Variants in CNKSR1 observed in about 807,000 individuals in gnomAD.
The protein encoded by CNKSR1 is connector enhancer of kinase suppressor of Ras 1.
A neutral mutation model predicts 95.6 loss-of-function variants in CNKSR1; 88 were observed. The ratio of observed to expected loss-of-function variants is 0.92; its 90% confidence interval spans 0.78 to 1.10. The LOEUF (loss-of-function observed/expected upper bound fraction) is 1.10, where lower values mean the gene tolerates loss of function less well. CNKSR1 is among the 50% of genes least tolerant of loss of function. The pLI, the probability that CNKSR1 is intolerant of heterozygous loss-of-function variation, is 0.00. For missense variants in CNKSR1, 836 were observed against 912.0 expected, an observed-to-expected ratio of 0.92 and a Z score of 1.07; for synonymous variants, 355 against 369.7, an observed-to-expected ratio of 0.96 and a Z score of 0.46.
At chr1:26,183,296 G>A (rs1569878173) in intron 7 of CNKSR1, 40 bp downstream of exon 7, 1 of 1,614,098 alleles carries the variant, frequency 6.2e-7, no homozygotes, top group Non-Finnish European at 8.5e-7. Context: ...CATCCCCGAG[G>A]CCTCTCACCT....
Position 26,185,155 on chromosome 1 carries a change from G to A in CNKSR1, c.1277G>A (p.Gly426Glu), listed in dbSNP as rs1265250665. The A allele has an allele frequency of 7.0e-6, 11 of 1,566,090 alleles. No individual in the cohort carries two copies. The highest frequency in any genetic ancestry group is 1.4e-5 in the African/African-American group (1 of 73,988). Reference protein sequence around the residue: ...RWRRRWFVLKGHTLYWYRQPQ... With the variant: ...RWRRRWFVLKEHTLYWYRQPQ... ...CGCCGCCGCTGGTTTGTGCTCAAGG[G>A]ACACACGCTCTACTGGTACCGCCAG... The change falls in exon 14 of 21, where the codon GGA becomes GAA. Residue 426 changes from glycine (G) to glutamate (E), a missense_variant. Coordinates refer to ENST00000361530, the MANE Select transcript of CNKSR1 (RefSeq NM_006314.3).
chr1:26,185,743 C>T (rs1219090118), intron 14 of CNKSR1, among the ~76,000 whole-genome samples: 1 of 151,948 alleles, frequency 6.6e-6, no homozygotes, highest in Non-Finnish European at 1.5e-5. Flanking sequence ...GTTGCCCAGC[C>T]TTGTCTCAAA....
At position 26,183,238 on chromosome 1, in the gene CNKSR1, G is replaced by T. The variant is rs763801485; in HGVS notation, c.666G>T (p.Val222=). ...CCACCAGCAATTGCCAGCACTTTGT[G>T]TCCCAAGTGGACACCCAGGTGAGAG... is the stretch of plus-strand genomic sequence containing the variant. The part of the protein sequence containing the change: ...IHTTSNCQHF[V]SQVDTQVPTD... Residue 222 remains valine (V), a synonymous_variant, in exon 7 of 21, where the codon GTG becomes GTT. Transcript: ENST00000361530. 2.5e-6 allele frequency: 4 copies of T among 1,613,994 alleles called. No homozygotes were observed. In the South Asian group the frequency reaches 4.4e-5, roughly 18 times the overall value.
chr1:26,181,752 G>A (rs1391815984), intron 3 of CNKSR1, 105 bp from the exon 4 acceptor site: 4 of 1,075,416 alleles, frequency 3.7e-6, no homozygotes, highest in Non-Finnish European at 5.7e-6. Context: ...AAACCCATCA[G>A]AGCAGGTATT....
intron 3 of CNKSR1, 94 bp downstream of exon 3, chr1:26,180,990 A>G (rs747841074): frequency 6.6e-7 from 1 of 1,510,564 alleles, no homozygotes; most frequent in East Asian, 2.3e-5. Context: ...TCTTGTTCAG[A>G]TATGGTGAGC....
chr1:26,177,882 G>A (rs984213299), intron 1 of CNKSR1, among the ~76,000 whole-genome samples: 1 of 152,038 alleles, frequency 6.6e-6, no homozygotes, highest in African/African-American at 2.4e-5. Context: ...CAGGAGAATC[G>A]CTTGAACCCA....
intron 9 of CNKSR1, 93 bp downstream of exon 9, chr1:26,183,923 C>CCCT: frequency 1.9e-6 from 1 of 523,666 alleles, no homozygotes; most frequent in Non-Finnish European, 3.5e-6. Flanking sequence ...TCAGACCCCC[C>CCCT]CCAACAGGCA....
At chr1:26,188,183 A>T (rs759045187) in intron 16 of CNKSR1, 51 bp from the exon 17 acceptor site, 1 of 1,511,454 alleles carries the variant, frequency 6.6e-7, no homozygotes, top group South Asian at 1.1e-5. Flanking sequence ...CCCAGCATAC[A>T]AGAGGGCCCC....
At chr1:26,179,101 T>G (rs1051172652) in intron 1 of CNKSR1, among the ~76,000 whole-genome samples, 1 of 152,262 alleles carries the variant, frequency 6.6e-6, no homozygotes, top group African/African-American at 2.4e-5. Context: ...TGTAAAGCTC[T>G]TATAGATTTG....
intron 16 of CNKSR1, 99 bp from the exon 17 acceptor site, chr1:26,188,135 C>A: frequency 1.0e-6 from 1 of 1,001,348 alleles, no homozygotes; most frequent in Non-Finnish European, 1.6e-6. Context: ...CTCAGAGTTG[C>A]TCTGAGGATC....
intron 18 of CNKSR1, 44 bp from the exon 19 acceptor site, chr1:26,188,554 G>A: frequency 6.2e-7 from 1 of 1,611,418 alleles, no homozygotes; most frequent in Non-Finnish European, 8.5e-7. Flanking sequence ...AACAGGGCGT[G>A]GAGCTCAGAC....
intron 9 of CNKSR1, 55 bp downstream of exon 9, chr1:26,183,885 C>T: frequency 2.0e-6 from 1 of 490,422 alleles, no homozygotes; most frequent in Non-Finnish European, 3.7e-6. Context: ...TCCACAGGTA[C>T]CTGCCCCCAC....
At chr1:26,187,985 ACTTGGCCT>A (rs1355715872) in intron 16 of CNKSR1, among the ~76,000 whole-genome samples, 3 of 151,220 alleles carry the variant, frequency 2.0e-5, no homozygotes, top group Non-Finnish European at 4.4e-5. Context: ...GGTCTCAAAC[ACTTGGCCT>A]CAAGCAATCC....
chr1:26,182,047 C>G, intron 4 of CNKSR1, 106 bp downstream of exon 4: 1 of 1,135,260 alleles, frequency 8.8e-7, no homozygotes, highest in South Asian at 1.2e-5. Flanking sequence ...AGGATTGAGA[C>G]GGGCGAGAAA....
At position 26,180,721 on chromosome 1, in the gene CNKSR1, AG is replaced by A. The variant is rs1230136145; in HGVS notation, c.219del (p.Arg73SerfsTer10). The part of the protein sequence containing the change: ...GVEQLQALSS[R>X]LQTENLQSLT... ...TGCCCTCTTTCTGGCACAGAGCTCC[AG>A]GCTACAGACAGAGAACCTGCAAAGC... On this transcript the variant is annotated frameshift_variant, in exon 3 of 21. Coordinates refer to ENST00000361530, the MANE Select transcript of CNKSR1 (RefSeq NM_006314.3). LOFTEE classifies it high-confidence loss of function. 2 of 1,614,032 alleles carry A rather than the reference AG, an allele frequency of 1.2e-6. No individual in the cohort carries two copies. The highest frequency in any genetic ancestry group is 2.7e-5 in the African/African-American group (2 of 74,944).
rs1322406504 is a variant in CNKSR1 at position 26,188,504 on chromosome 1, G to A, written c.1590+1G>A. 2 of 1,602,988 alleles carry A rather than the reference G, an allele frequency of 1.2e-6. No homozygotes were observed. The highest frequency in any genetic ancestry group is 1.7e-6 in the Non-Finnish European group (2 of 1,175,068). ...TGAGGCTGGGTCCCACTCAGCCTCGGTGAGTGGGGGGCTGCCGGGGGTAGG... is the reference window on the plus strand; with the variant it reads ...TGAGGCTGGGTCCCACTCAGCCTCGATGAGTGGGGGGCTGCCGGGGGTAGG... On this transcript the variant is annotated splice_donor_variant, in intron 18 of 20. Coordinates refer to ENST00000361530, the MANE Select transcript of CNKSR1 (RefSeq NM_006314.3). LOFTEE classifies it high-confidence loss of function.
chr1:26,180,412 A>C, intron 1 of CNKSR1, 41 bp from the exon 2 acceptor site: 1 of 1,612,134 alleles, frequency 6.2e-7, no homozygotes. Flanking sequence ...AAAGGTCCTG[A>C]CACCTCTGCT....
At position 26,187,208 on chromosome 1, in the gene CNKSR1, G is replaced by T; in HGVS notation, c.1349G>T (p.Ser450Ile). 2 of 1,614,130 alleles carry T rather than the reference G, an allele frequency of 1.2e-6. No homozygotes were observed. The highest frequency in any genetic ancestry group is 1.7e-6 in the Non-Finnish European group (2 of 1,179,976). ...AEGLINVSNY[S>I]LESGHDQKKK... ...GGCCTCATCAATGTCTCCAACTATA[G>T]TCTGGAAAGTGGACATGATCAGAAG... is the stretch of plus-strand genomic sequence containing the variant. The change falls in exon 15 of 21, where the codon AGT becomes ATT. Residue 450 changes from serine (S) to isoleucine (I), a missense_variant. Transcript: ENST00000361530.
At position 26,182,988 on chromosome 1, in the gene CNKSR1, C is replaced by T. The variant is rs78732061; in HGVS notation, c.625-209C>T. ...CTGGTACCTCAGAAATCAGGGTCTCCAGCTTCCCTCTGGCTCTTAGCAGAG... is the reference window on the plus strand; with the variant it reads ...CTGGTACCTCAGAAATCAGGGTCTCTAGCTTCCCTCTGGCTCTTAGCAGAG... On this transcript the variant is annotated intron_variant, in intron 6 of 20. Coordinates refer to ENST00000361530, the MANE Select transcript of CNKSR1 (RefSeq NM_006314.3). 4.6e-3 allele frequency among the ~76,000 whole-genome samples: 706 copies of T among 152,186 alleles called. 8 individuals carry two copies. Among genetic ancestry groups the T allele is most frequent in the African/African-American group, 0.016 (658 of 41,512 alleles).
Sources: gnomAD v4.1 joint callset for allele counts (sites outside exome capture counted in the v4.1 genomes callset) on GRCh38, gnomAD v4.1.1 for gene constraint, MANE v1.5 for transcripts, NCBI Gene and HGNC (gene_info 2026-07-23, HGNC 2026-07-21) for gene names.